The following ADGRD1 variants were observed in gnomAD, a reference collection of about 807,000 sequenced individuals.
ADGRD1 encodes the protein adhesion G protein-coupled receptor D1.
Under a neutral mutation model 113.4 loss-of-function variants are expected in ADGRD1, and 77 were observed. The observed-to-expected ratio is 0.68, with a 90% CI of 0.57 to 0.82. The LOEUF is 0.82. ADGRD1 is among the 40% of genes least tolerant of loss of function. ADGRD1 has a pLI of 0.00. For synonymous variants in ADGRD1, 474 were observed against 475.0 expected (o/e 1.00, Z 0.03); for missense variants, 1,036 against 1,139.1 (o/e 0.91, Z 1.30).
Position 131,139,203 on chromosome 12 carries a change from G to A in ADGRD1, c.2565G>A (p.Lys855=), listed in dbSNP as rs776131339. The change falls in exon 25 of 25, where the codon AAG becomes AAA. Residue 855 remains lysine, a synonymous_variant. Transcript: ENST00000261654. ...NGTRPGMAST[K]LSPWDKSSHS... is the part of the protein sequence containing the mutation. ...CCCGGCCAGGCATGGCCTCCACCAAGCTCAGCCCTTGGGACAAGAGCAGCC... is the reference window on the plus strand; with the variant it reads ...CCCGGCCAGGCATGGCCTCCACCAAACTCAGCCCTTGGGACAAGAGCAGCC... 29 of 1,613,130 alleles carry A rather than the reference G, an allele frequency of 1.8e-5. No individual in the cohort carries two copies. In the South Asian group the frequency reaches 3.2e-4, roughly 18 times the overall value.
chr12:131,111,173 A>G (rs767087316), intron 18 of ADGRD1, among the ~76,000 whole-genome samples: 9 of 151,568 alleles, frequency 5.9e-5, no homozygotes, highest in Non-Finnish European at 1.2e-4. Context: ...GCTCACTGCA[A>G]CCTCCACCTC....
At chr12:130,960,194 C>T (rs1002348725) in intron 2 of ADGRD1, among the ~76,000 whole-genome samples, 3 of 152,210 alleles carry the variant, frequency 2.0e-5, no homozygotes, top group Admixed American at 1.3e-4. Context: ...GAACTTAAAA[C>T]AAACCCAAAG....
At chr12:130,963,353 T>C (rs1324619673) in intron 2 of ADGRD1, among the ~76,000 whole-genome samples, 2 of 138,898 alleles carry the variant, frequency 1.4e-5, no homozygotes, top group South Asian at 4.6e-4. Flanking sequence ...GAAAGAAAAA[T>C]TCAAATTCAA....
rs1883302820 is a variant in ADGRD1 at position 131,050,803 on chromosome 12, C to G, written c.1474-25998C>G. Among the ~76,000 whole-genome samples, 1 of 152,094 alleles carries G rather than the reference C, an allele frequency of 6.6e-6. No homozygotes were observed. Among genetic ancestry groups the G allele is most frequent in the Admixed American group, 6.5e-5 (1 of 15,278 alleles). The stretch of plus-strand genomic sequence containing the variant: ...CTGTTCCCCCTCAGATCATCAGGCA[C>G]TAGACTCTCATGAGGAGCTTGAAAC... On this transcript the variant is annotated intron_variant, in intron 13 of 24. Transcript: ENST00000261654. This position sits in a 1 kb window ranked among gnomAD's most constrained non-coding sequence, Gnocchi z 4.8.
chr12:131,051,255 G>T (rs538581717), intron 13 of ADGRD1, among the ~76,000 whole-genome samples: 2 of 152,298 alleles, frequency 1.3e-5, no homozygotes, highest in South Asian at 2.1e-4. Context: ...CCCCAGGAAC[G>T]ATTCCTTGTT....
rs1054505371 is a variant in ADGRD1 at position 131,003,397 on chromosome 12, A to G, written c.1144+95A>G. 3 of 885,192 alleles carry G rather than the reference A, an allele frequency of 3.4e-6. No individual in the cohort carries two copies. Among genetic ancestry groups the G allele is most frequent in the East Asian group, 2.4e-5 (1 of 41,416 alleles). The allele number at this position is 885,192 out of a possible 1,614,324, so 54.8% of individuals were successfully genotyped here. On this transcript the variant is annotated intron_variant, in intron 10 of 24. Transcript: ENST00000261654. The surrounding 1 kb of genome is among the most constrained non-coding windows in gnomAD (Gnocchi z 4.8). Reference sequence around the variant, plus strand: ...CTTTTTACACCCTTAGCAGAGAGCCATGCTCTGTCTCCCTGACTGCTCTGC... The same window carrying G: ...CTTTTTACACCCTTAGCAGAGAGCCGTGCTCTGTCTCCCTGACTGCTCTGC...
intron 13 of ADGRD1, among the ~76,000 whole-genome samples, chr12:131,029,719 G>A (rs111452770): frequency 3.2e-5 from 4 of 123,720 alleles, no homozygotes; most frequent in Non-Finnish European, 6.5e-5. Flanking sequence ...TGGACCCCTC[G>A]TTCGGTGACA....
chr12:131,082,969 G>A (rs1886180748), intron 14 of ADGRD1, among the ~76,000 whole-genome samples: 1 of 152,258 alleles, frequency 6.6e-6, no homozygotes, highest in South Asian at 2.1e-4. Flanking sequence ...CCCCTCCCTC[G>A]CGCTCCACGT....
intron 5 of ADGRD1, among the ~76,000 whole-genome samples, chr12:130,985,563 T>TC (rs371244680): frequency 0.016 from 2,405 of 151,906 alleles, 23 homozygotes; most frequent in South Asian, 0.046. Context: ...TTTTTTGTTT[T>TC]TTTTGAGATG....
At chr12:130,969,066 A>C in intron 3 of ADGRD1, 1 of 1,494,040 alleles carries the variant, frequency 6.7e-7, no homozygotes, top group Non-Finnish European at 9.0e-7. Context: ...TCTCTCTGCA[A>C]CTGTAGGTGA....
chr12:131,066,414 G>A (rs973076302), intron 13 of ADGRD1, among the ~76,000 whole-genome samples: 4 of 152,110 alleles, frequency 2.6e-5, no homozygotes, highest in African/African-American at 9.7e-5. Context: ...GCTGTGGGGC[G>A]GTGGCCCTGT....
At chr12:130,996,508 C>T (rs1163723727) in intron 8 of ADGRD1, among the ~76,000 whole-genome samples, 3 of 122,080 alleles carry the variant, frequency 2.5e-5, no homozygotes, top group Non-Finnish European at 3.6e-5. Context: ...ACCTCCTGGA[C>T]GGGGCGGCTG....
rs1053702617 is a variant in ADGRD1, at chr12:131,141,461, G to A, written c.*2198G>A. The A allele has an allele frequency of 6.6e-6, 1 of 152,236 alleles. No homozygotes were observed. Among genetic ancestry groups the A allele is most frequent in the African/African-American group, 2.4e-5 (1 of 41,466 alleles). 9.4% of individuals were successfully genotyped at this position (152,236 alleles called of 1,614,324 possible). A position where few individuals can be genotyped will look rare whatever the true frequency, so the allele number is the denominator to read the frequency against. ...TTTTTATGAAATAAACTCATGTCCT[G>A]AAAAGAAAGTGTGCTCCTTAAAATC... On this transcript the variant is annotated 3_prime_UTR_variant, in exon 25 of 25. Transcript: ENST00000261654.
chr12:131,069,885 C>T (rs889532915), intron 13 of ADGRD1: 1 of 152,074 alleles, frequency 6.6e-6, no homozygotes, highest in South Asian at 2.1e-4. Flanking sequence ...TTATTTAAAA[C>T]GTGTTAATTA....
At chr12:131,089,992 C>G (rs1440689201) in intron 15 of ADGRD1, among the ~76,000 whole-genome samples, 2 of 152,172 alleles carry the variant, frequency 1.3e-5, no homozygotes, top group Non-Finnish European at 2.9e-5. Context: ...ACACTTTCAG[C>G]TGAAAACTGT....
At chr12:130,995,844 G>A (rs1157320352) in intron 8 of ADGRD1, among the ~76,000 whole-genome samples, 1 of 152,028 alleles carries the variant, frequency 6.6e-6, no homozygotes, top group Non-Finnish European at 1.5e-5. Context: ...CAATAGTGGA[G>A]GGAAGGTCAG....
At chr12:130,995,680 G>A (rs1386141570) in intron 8 of ADGRD1, among the ~76,000 whole-genome samples, 1 of 151,920 alleles carries the variant, frequency 6.6e-6, no homozygotes, top group Non-Finnish European at 1.5e-5. Flanking sequence ...CCCCAGACCT[G>A]GATTTTTAAA....
chr12:131,023,361 G>A (rs140666096), intron 13 of ADGRD1: 12 of 152,162 alleles, frequency 7.9e-5, no homozygotes, highest in Admixed American at 3.3e-4. Flanking sequence ...GAACCATCGT[G>A]TGGTTCTGAA....
rs1873400723 is a variant in ADGRD1, at chr12:130,984,590, C to CA, written c.491-2504dup. Among the ~76,000 whole-genome samples, 1 of 152,144 alleles carries CA rather than the reference C, an allele frequency of 6.6e-6. No homozygotes were observed. The highest frequency in any genetic ancestry group is 1.5e-5 in the Non-Finnish European group (1 of 68,026). Reference sequence around the variant, plus strand: ...TCCCCCACTATGGACATTCCCCCACCAGAATGATCCATTTGTTACATGTGA... The same window carrying CA: ...TCCCCCACTATGGACATTCCCCCACCAAGAATGATCCATTTGTTACATGTGA... On this transcript the variant is annotated intron_variant, in intron 5 of 24. Coordinates refer to ENST00000261654, the MANE Select transcript of ADGRD1 (RefSeq NM_198827.5). The surrounding 1 kb of genome is among the most constrained non-coding windows in gnomAD (Gnocchi z 4.1).
Sources: gnomAD v4.1 joint callset for allele counts (sites outside exome capture counted in the v4.1 genomes callset) on GRCh38, gnomAD v4.1.1 for gene constraint, Gnocchi (gnomAD v3.1) non-coding constraint, MANE v1.5 for transcripts, NCBI Gene and HGNC (gene_info 2026-07-23, HGNC 2026-07-21) for gene names.